CDKL5: variants seen among roughly 807,000 people sequenced by gnomAD.
CDKL5 encodes cyclin-dependent kinase-like 5.
In CDKL5, 8 loss-of-function variants were observed where a neutral mutation model predicts 61.7. The observed-to-expected ratio is 0.13, with a 90% confidence interval of 0.08 to 0.23. CDKL5 has a LOEUF of 0.23. CDKL5 is among the 10% of genes least tolerant of loss of function. The pLI is 1.00. For missense variants in CDKL5, 440 were observed against 734.5 expected, an observed-to-expected ratio of 0.60 and a Z score of 4.63; for synonymous variants, 275 against 272.3, an observed-to-expected ratio of 1.01 and a Z score of -0.10.
At chrX:18,472,499 G>C (rs989785991) in intron 1 of CDKL5, among the ~76,000 whole-genome samples, 2 of 111,765 alleles carry the variant, frequency 1.8e-5, no homozygotes, top group African/African-American at 3.3e-5. Context: ...AAATACCCAA[G>C]CATGCCATAA....
rs1926289983 is a variant in CDKL5 at position 18,604,522 on chromosome X, C to G, written c.1598C>G (p.Thr533Ser). ...AATTCTCCCACCAGCCCAACCCCCA[C>G]CAGACACAGTGACACGAGAACTTTG... ...DLNSPTSPTP[T>S]RHSDTRTLLS... Residue 533 changes from threonine (T) to serine (S), a missense_variant, in exon 12 of 18, where the codon ACC becomes AGC. By Grantham distance (58) the Thr-to-Ser change is moderately conservative. Coordinates refer to ENST00000623535, the MANE Select transcript of CDKL5 (RefSeq NM_001323289.2). The G allele has an allele frequency of 8.3e-7, 1 of 1,209,900 alleles. No homozygotes were observed. Among genetic ancestry groups the G allele is most frequent in the South Asian group, 1.8e-5 (1 of 56,814 alleles).
chrX:18,457,274 T>C (rs991563354), intron 1 of CDKL5, among the ~76,000 whole-genome samples: 2 of 111,560 alleles, frequency 1.8e-5, no homozygotes, highest in South Asian at 3.7e-4. Flanking sequence ...ACTGTCGTCA[T>C]TGCATGCCAA....
chrX:18,596,646 A>T (rs1165502869), intron 10 of CDKL5, among the ~76,000 whole-genome samples: 1 of 112,300 alleles, frequency 8.9e-6, no homozygotes, highest in East Asian at 2.8e-4. Context: ...TTTTTCACAC[A>T]GTCAGTCCTC....
Position 18,628,780 on chromosome X carries a change from G to T in CDKL5, c.*23G>T, listed in dbSNP as rs1262573802. The T allele has an allele frequency of 9.5e-7, 1 of 1,049,719 alleles. No homozygotes were observed. Among genetic ancestry groups the T allele is most frequent in the Non-Finnish European group, 1.2e-6 (1 of 812,565 alleles). The allele number at this position is 1,049,719 out of a possible 1,213,427, so 86.5% of individuals were successfully genotyped here. On this transcript the variant is annotated 3_prime_UTR_variant, in exon 18 of 18. Coordinates refer to ENST00000623535, the MANE Select transcript of CDKL5 (RefSeq NM_001323289.2). ...TAATTTGTGCTGGTAGGGGGGAGGG[G>T]TGGACAGACAAGCCAGTGGGGAGGG...
intron 4 of CDKL5, among the ~76,000 whole-genome samples, chrX:18,572,887 A>G (rs371965167): frequency 4.7e-4 from 53 of 112,206 alleles, no homozygotes; most frequent in African/African-American, 1.6e-3. Context: ...ATTGCATACC[A>G]CTAAGCAAAC....
chrX:18,490,904 A>G (rs1283083901), intron 1 of CDKL5, among the ~76,000 whole-genome samples: 1 of 112,292 alleles, frequency 8.9e-6, no homozygotes, highest in Non-Finnish European at 1.9e-5. Flanking sequence ...GTAAATAAAA[A>G]TAACTTCCAA....
At chrX:18,452,043 C>T (rs1043201611) in intron 1 of CDKL5, among the ~76,000 whole-genome samples, 2 of 112,006 alleles carry the variant, frequency 1.8e-5, no homozygotes, top group Non-Finnish European at 3.8e-5. Context: ...TCTGTAACAA[C>T]TGCAAAGGGC....
At position 18,650,553 on chromosome X, in the gene CDKL5, C is replaced by G. The variant is rs374054249; in HGVS notation, c.2941C>G (p.Arg981Gly). The change falls in exon 21 of 22, where the codon CGA becomes GGA. Residue 981 changes from arginine (R) to glycine (G), a missense_variant. Coordinates refer to the CDKL5 transcript ENST00000379989. ...TTCCATGTGCCCGACACTCCAGGTCCGAGGCACTGATGCTTTCAGCTGCCC... is the reference window on the plus strand; with the variant it reads ...TTCCATGTGCCCGACACTCCAGGTCGGAGGCACTGATGCTTTCAGCTGCCC... The G allele has an allele frequency of 6.4e-5, 78 of 1,210,840 alleles. No homozygotes were observed. The highest frequency in any genetic ancestry group is 8.4e-5 in the Non-Finnish European group (75 of 895,389).
chrX:18,591,809 T>C (rs1308518051), intron 9 of CDKL5, among the ~76,000 whole-genome samples: 1 of 111,387 alleles, frequency 9.0e-6, no homozygotes, highest in Non-Finnish European at 1.9e-5. Context: ...AGGCCAAATG[T>C]CCTCCCTCCG....
downstream of CDKL5, chrX:18,642,193 G>T (rs189368688): frequency 1.5e-4 from 173 of 1,187,384 alleles, no homozygotes; most frequent in African/African-American, 2.7e-3. Flanking sequence ...CCATCACATC[G>T]GGGAGGGAAA....
At chrX:18,643,322 G>C (rs889910464), downstream of CDKL5, among the ~76,000 whole-genome samples, 2 of 111,307 alleles carry the variant, frequency 1.8e-5, no homozygotes, top group African/African-American at 6.5e-5. Context: ...CACAAAACGG[G>C]AAGGGCCTGG....
chrX:18,589,035 G>A (rs1925736368), intron 9 of CDKL5: 1 of 110,238 alleles, frequency 9.1e-6, no homozygotes, highest in African/African-American at 3.3e-5. Context: ...GTCTTAGAAA[G>A]TATAAACTTT....
chrX:18,454,532 G>C (rs1932097454), intron 1 of CDKL5, among the ~76,000 whole-genome samples: 1 of 106,727 alleles, frequency 9.4e-6, no homozygotes, highest in Admixed American at 1.0e-4. Context: ...ACCGTGCCCA[G>C]CCTAAAGCAT....
chrX:18,476,505 C>T (rs1921317375), intron 1 of CDKL5, among the ~76,000 whole-genome samples: 1 of 112,324 alleles, frequency 8.9e-6, no homozygotes, highest in African/African-American at 3.2e-5. Context: ...GTGTCAGCCA[C>T]TATACCCAGC....
chrX:18,598,197 G>A (rs1926066152), intron 10 of CDKL5, among the ~76,000 whole-genome samples: 1 of 110,757 alleles, frequency 9.0e-6, no homozygotes, highest in Admixed American at 9.6e-5. Context: ...GATAAGTGCA[G>A]GATACAAAAC....
rs2147153513 is a variant in CDKL5, at chrX:18,595,333, G to A, written c.745-15G>A. On this transcript the variant is annotated splice_polypyrimidine_tract_variant and intron_variant, in intron 9 of 17. Transcript: ENST00000623535. ...TTCCCCAAATGTTAACATTCCCTTT[G>A]TGTATGTCTCACAGTTTCCAGCTGT... The A allele has an allele frequency of 8.8e-7, 1 of 1,134,564 alleles. No homozygotes were observed. The highest frequency in any genetic ancestry group is 1.2e-6 in the Non-Finnish European group (1 of 825,224). The allele number at this position is 1,134,564 out of a possible 1,213,427, so 93.5% of individuals were successfully genotyped here. A position where few individuals can be genotyped will look rare whatever the true frequency, so the allele number is the denominator to read the frequency against.
intron 1 of CDKL5, among the ~76,000 whole-genome samples, chrX:18,437,343 C>T (rs1450720238): frequency 8.9e-6 from 1 of 111,817 alleles, no homozygotes; most frequent in African/African-American, 3.2e-5. Flanking sequence ...AATGTCATTT[C>T]TATTTATAAC....
chrX:18,608,750 T>C, intron 12 of CDKL5, 61 bp from the exon 13 acceptor site: 1 of 758,593 alleles, frequency 1.3e-6, no homozygotes, highest in Non-Finnish European at 2.1e-6. Context: ...ATAAAGGCCA[T>C]GATGAGTTCC....
At chrX:18,473,556 T>G (rs1901130228) in intron 1 of CDKL5, among the ~76,000 whole-genome samples, 1 of 109,406 alleles carries the variant, frequency 9.1e-6, no homozygotes, top group South Asian at 4.1e-4. Context: ...AGGAGTGGAG[T>G]TTTGGCCTCC....
Sources: gnomAD v4.1 joint callset for allele counts (sites outside exome capture counted in the v4.1 genomes callset) on GRCh38, gnomAD v4.1.1 for gene constraint, MANE v1.5 for transcripts, NCBI Gene and HGNC (gene_info 2026-07-23, HGNC 2026-07-21) for gene names.